The following SLC6A16 variants were observed in gnomAD, a reference collection of about 807,000 sequenced individuals.
The protein encoded by SLC6A16 is orphan sodium- and chloride-dependent neurotransmitter transporter NTT5.
A neutral mutation model predicts 65.4 loss-of-function variants in SLC6A16; 54 were observed. That is an observed-to-expected ratio of 0.83 (90% CI 0.66 to 1.04). The LOEUF is 1.04. Ranked by LOEUF, SLC6A16 falls within the 50% of genes least tolerant of loss-of-function variation. The pLI, the probability that SLC6A16 is intolerant of heterozygous loss-of-function variation, is 0.00. For missense variants in SLC6A16, 816 were observed against 914.0 expected, an observed-to-expected ratio of 0.89 and a Z score of 1.38; for synonymous variants, 330 against 346.5, an observed-to-expected ratio of 0.95 and a Z score of 0.53.
intron 7 of SLC6A16, among the ~76,000 whole-genome samples, chr19:49,300,383 A>G (rs906810605): frequency 2.0e-5 from 3 of 152,160 alleles, no homozygotes; most frequent in Non-Finnish European, 4.4e-5. Context: ...TAAGTTAGGA[A>G]TGCATGTAAA....
At chr19:49,335,941 T>G in the SLC6A16 span, 2 of 672,670 alleles carry the variant, frequency 3.0e-6, no homozygotes, top group Non-Finnish European at 2.6e-6. The surrounding 1 kb of genome is among the most constrained non-coding windows in gnomAD (Gnocchi z 4.6). Flanking sequence ...GCCTGAGTCT[T>G]CTTCCGGCAA....
At chr19:49,331,665 C>T in the SLC6A16 span, 1 of 431,588 alleles carries the variant, frequency 2.3e-6, no homozygotes, top group South Asian at 1.6e-5. Context: ...TCTCAGCTTC[C>T]TGCAGCCAGT....
At chr19:49,314,035 G>A (rs1386746349) in intron 1 of SLC6A16, among the ~76,000 whole-genome samples, 2 of 151,758 alleles carry the variant, frequency 1.3e-5, no homozygotes, top group African/African-American at 2.4e-5. Context: ...AGCGGAGTTT[G>A]CAGTGAGCTG....
chr19:49,311,644 T>C (rs1970524797), intron 1 of SLC6A16, among the ~76,000 whole-genome samples: 1 of 151,478 alleles, frequency 6.6e-6, no homozygotes, highest in African/African-American at 2.4e-5. Context: ...AGGTCAGGAG[T>C]TCGAGACCAG....
chr19:49,328,330 A>C (rs1385438229), upstream of SLC6A16, among the ~76,000 whole-genome samples: 2 of 152,194 alleles, frequency 1.3e-5, no homozygotes, highest in Non-Finnish European at 2.9e-5. Flanking sequence ...GAACTCACTC[A>C]CTATCACAAA....
At position 49,309,774 on chromosome 19, in the gene SLC6A16, G is replaced by C. The variant is rs138763972; in HGVS notation, c.753C>G (p.Ala251=). 1,624 of 1,614,044 alleles carry C rather than the reference G, an allele frequency of 1.0e-3. 16 individuals are homozygous for C. In the African/African-American group the frequency reaches 0.019, roughly 19 times the overall value. ...CCTCGATTCTGTCTGAGGCCTTCAA[G>C]GCCTGCTGGTACCAGAAGTATATGG... ...TPSIYFWYQQ[A]LKASDRIEDG... The change falls in exon 5 of 12, where the codon GCC becomes GCG. Residue 251 remains alanine (A), a synonymous_variant. Transcript: ENST00000335875.
intron 8 of SLC6A16, 71 bp from the exon 9 acceptor site, chr19:49,294,099 A>G (rs190163823): frequency 1.5e-6 from 2 of 1,309,876 alleles, no homozygotes; most frequent in East Asian, 2.3e-5. Context: ...AGACAAGTAT[A>G]CATTCTATCT....
At chr19:49,295,375 T>C (rs961511687) in intron 7 of SLC6A16, among the ~76,000 whole-genome samples, 1 of 70,912 alleles carries the variant, frequency 1.4e-5, no homozygotes, top group Admixed American at 1.7e-4. Context: ...GAGACTCCAT[T>C]TCAAAAAAAA....
the SLC6A16 span, chr19:49,335,347 G>A: frequency 1.7e-6 from 1 of 603,734 alleles, no homozygotes; most frequent in East Asian, 2.8e-5. This position sits in a 1 kb window ranked among gnomAD's most constrained non-coding sequence, Gnocchi z 4.6. Flanking sequence ...GACAGAGAGA[G>A]AGACAGAAAG....
chr19:49,329,229 A>T (rs1970825572), upstream of SLC6A16, among the ~76,000 whole-genome samples: 2 of 151,882 alleles, frequency 1.3e-5, no homozygotes, highest in African/African-American at 4.8e-5. Context: ...AGTAGCTGGG[A>T]CTACAGGTGG....
Position 49,310,494 on chromosome 19 carries a change from G to C in SLC6A16, c.432C>G (p.Ile144Met). Residue 144 changes from isoleucine (I) to methionine (M), a missense_variant, in exon 3 of 12, where the codon ATC (isoleucine) becomes ATG (methionine). Transcript: ENST00000335875. Reference protein sequence around the residue: ...LNSGGCSFAAIYIFMLFLVGV... With the variant: ...LNSGGCSFAAMYIFMLFLVGV... ...CGACCAGGAACAGCATGAAGATGTA[G>C]ATGGCAGCGAAACTGCCTGTGAAGA... The C allele has an allele frequency of 6.2e-7, 1 of 1,614,118 alleles. No homozygotes were observed. Among genetic ancestry groups the C allele is most frequent in the Non-Finnish European group, 8.5e-7 (1 of 1,180,028 alleles).
the SLC6A16 span, chr19:49,332,031 G>C: frequency 2.2e-6 from 1 of 452,502 alleles, no homozygotes; most frequent in Non-Finnish European, 4.4e-6. Context: ...TTACTACTTA[G>C]AACAACAGAA....
At chr19:49,297,982 G>C (rs1282208803) in intron 7 of SLC6A16, among the ~76,000 whole-genome samples, 1 of 152,188 alleles carries the variant, frequency 6.6e-6, no homozygotes, top group African/African-American at 2.4e-5. Flanking sequence ...AGACCTAGAT[G>C]ATATAGTAAA....
chr19:49,290,518 T>A, intron 11 of SLC6A16, 87 bp downstream of exon 11: 1 of 1,562,570 alleles, frequency 6.4e-7, no homozygotes, highest in Non-Finnish European at 8.8e-7. Flanking sequence ...AGTAAGAGAA[T>A]GAGATGACTG....
At chr19:49,309,250 A>T in intron 6 of SLC6A16, 51 bp downstream of exon 6, 1 of 1,572,574 alleles carries the variant, frequency 6.4e-7, no homozygotes, top group South Asian at 1.1e-5. Flanking sequence ...AAGAATAGGC[A>T]GCTGTGGTGC....
the SLC6A16 span, among the ~76,000 whole-genome samples, chr19:49,332,497 G>C: frequency 6.6e-6 from 1 of 152,124 alleles, no homozygotes; most frequent in African/African-American, 2.4e-5. Context: ...GGCGGAGGTT[G>C]CAGTGAGCCG....
chr19:49,295,365 G>A (rs909350786), intron 7 of SLC6A16, among the ~76,000 whole-genome samples: 4 of 121,188 alleles, frequency 3.3e-5, no homozygotes, highest in African/African-American at 9.9e-5. Flanking sequence ...GGGCGACAGC[G>A]AGACTCCATT....
At chr19:49,325,319 C>T (rs574696334), upstream of SLC6A16, 11 of 849,306 alleles carry the variant, frequency 1.3e-5, no homozygotes, top group Admixed American at 6.2e-5. Context: ...TCTCCCCACA[C>T]GCACGCACGT....
chr19:49,293,254 T>C lies in SLC6A16; in HGVS notation c.1747A>G (p.Met583Val), dbSNP rs757577267. The change falls in exon 10 of 12, where the codon ATG (methionine) becomes GTG (valine). Residue 583 changes from methionine (M) to valine (V), a missense_variant. Transcript: ENST00000335875. Reference sequence around the variant, plus strand: ...GCCCCATAGGCCCAGGATACAGCCATGGTTTCAAATACGACAACGACGATG... The same window carrying C: ...GCCCCATAGGCCCAGGATACAGCCACGGTTTCAAATACGACAACGACGATG... ...PIIVVVVFET[M>V]AVSWAYGARR... 1.2e-6 allele frequency: 2 copies of C among 1,614,078 alleles called. No individual in the cohort carries two copies. Among genetic ancestry groups the C allele is most frequent in the African/African-American group, 2.7e-5 (2 of 74,988 alleles).
Sources: allele counts gnomAD v4.1 joint callset (sites outside exome capture counted in the v4.1 genomes callset), GRCh38; gene constraint gnomAD v4.1.1; non-coding constraint Gnocchi (gnomAD v3.1); transcripts MANE v1.5; gene names NCBI Gene and HGNC (gene_info 2026-07-23, HGNC 2026-07-21).